CUX1: variants seen among roughly 807,000 people sequenced by gnomAD.
The protein encoded by CUX1 is cut like homeobox 1, also known as protein CASP.
A neutral mutation model predicts 158.8 loss-of-function variants in CUX1; 31 were observed. The ratio of observed to expected loss-of-function variants is 0.20; its 90% CI spans 0.15 to 0.26. CUX1 has a LOEUF of 0.26. Ranked by LOEUF, CUX1 falls within the 10% of genes least tolerant of loss-of-function variation. The pLI, the probability that CUX1 is intolerant of heterozygous loss-of-function variation, is 1.00. For missense variants in CUX1, 1,589 were observed against 2,014.6 expected (o/e 0.79, Z 4.04); for synonymous variants, 879 against 862.1 (o/e 1.02, Z -0.34).
chr7:102,239,591 C>T lies in CUX1; in HGVS notation c.3887+7C>T, dbSNP rs368787962. 11 of 1,607,752 alleles carry T rather than the reference C, an allele frequency of 6.8e-6. No homozygotes were observed. Among genetic ancestry groups the T allele is most frequent in the Non-Finnish European group, 9.4e-6 (11 of 1,175,032 alleles). The stretch of plus-strand genomic sequence containing the variant: ...ACTGGTTCCACAACTACAGGTACGA[C>T]GGCTGGCTCACAGGGAGCGCCGGTC... On this transcript the variant is annotated splice_region_variant and intron_variant, in intron 23 of 23. Coordinates refer to ENST00000292535, the MANE Select transcript of CUX1 (RefSeq NM_181552.4).
In CUX1 at chr7:102,128,955, G is replaced by C. The variant is rs148122789; in HGVS notation, c.674+13682G>C. ...ATCCCGCCACTGCACTCCAGCCTGG[G>C]CAACAGAGACTCTGTTTCAAAAAAA... is the stretch of plus-strand genomic sequence containing the variant. On this transcript the variant is annotated intron_variant, in intron 8 of 23. Coordinates refer to ENST00000292535, the MANE Select transcript of CUX1 (RefSeq NM_181552.4). Among the ~76,000 whole-genome samples the C allele has an allele frequency of 5.3e-3, 801 of 151,886 alleles. 6 individuals are homozygous for C. Among genetic ancestry groups the C allele is most frequent in the African/African-American group, 0.019 (774 of 41,400 alleles).
chr7:102,064,857 C>T (rs1825365657), intron 3 of CUX1, among the ~76,000 whole-genome samples: 1 of 152,134 alleles, frequency 6.6e-6, no homozygotes, highest in African/African-American at 2.4e-5. Context: ...CTCAGAACAG[C>T]CCAGGAACCC....
At chr7:102,269,572 A>ATTTTTT (rs71123030) in intron 14 of CUX1, among the ~76,000 whole-genome samples, 155 of 107,596 alleles carry the variant, frequency 1.4e-3, no homozygotes, top group East Asian at 2.4e-3. Flanking sequence ...TGCCCGGCTA[A>ATTTTTT]TTTTTTTTTT....
At chr7:102,140,310 G>A (rs949904223) in intron 8 of CUX1, among the ~76,000 whole-genome samples, 20 of 151,986 alleles carry the variant, frequency 1.3e-4, no homozygotes, top group African/African-American at 1.9e-4. Flanking sequence ...GCAATGGCAC[G>A]ATCTCGGCTC....
intron 1 of CUX1, among the ~76,000 whole-genome samples, chr7:101,820,810 A>T (rs954588520): frequency 6.6e-6 from 1 of 152,204 alleles, no homozygotes; most frequent in African/African-American, 2.4e-5. Context: ...CACTCAAGCA[A>T]TTCTGGTATC....
At position 102,159,676 on chromosome 7, in the gene CUX1, T is replaced by C. The variant is rs1367253784; in HGVS notation, c.723+1068T>C. ...AGGAGTTTGAGACCAGCCTGGCCAA[T>C]ATGGTGAATCCCCGTCTCTACTAAA... On this transcript the variant is annotated intron_variant, in intron 9 of 23. Transcript: ENST00000292535. Among the ~76,000 whole-genome samples, 102 of 139,480 alleles carry C rather than the reference T, an allele frequency of 7.3e-4. No individual in the cohort carries two copies. In the Middle Eastern group the frequency reaches 0.025, roughly 35 times the overall value. The allele number at this position is 139,480 out of a possible 152,430, so 91.5% of individuals were successfully genotyped here.
chr7:102,039,196 G>A (rs1010523415), intron 3 of CUX1, among the ~76,000 whole-genome samples: 2 of 152,182 alleles, frequency 1.3e-5, no homozygotes, highest in Non-Finnish European at 2.9e-5. Flanking sequence ...GTGGATGGAA[G>A]CATCGTCCTC....
At chr7:102,161,800 G>C (rs781805944) in intron 9 of CUX1, among the ~76,000 whole-genome samples, 1 of 152,094 alleles carries the variant, frequency 6.6e-6, no homozygotes, top group Non-Finnish European at 1.5e-5. Context: ...TAGAGACGGG[G>C]TTTCACCGTG....
chr7:102,104,579 A>AG, intron 6 of CUX1, 120 bp downstream of exon 6: 1 of 1,312,876 alleles, frequency 7.6e-7, no homozygotes, highest in Non-Finnish European at 1.0e-6. Context: ...CCAAATCTAT[A>AG]AGGGGTAAAA....
chr7:102,010,745 T>C (rs995150093), intron 2 of CUX1, among the ~76,000 whole-genome samples: 3 of 152,202 alleles, frequency 2.0e-5, no homozygotes, highest in African/African-American at 4.8e-5. Context: ...CCGGCGGGCG[T>C]GAGGACCACG....
chr7:102,262,395 C>CATGGATGGATGA (rs1554544084), downstream of CUX1, among the ~76,000 whole-genome samples: 1 of 143,178 alleles, frequency 7.0e-6, no homozygotes, highest in Non-Finnish European at 1.5e-5. Context: ...AAGACTCCAT[C>CATGGATGGATGA]ATGGATGGAT....
At chr7:101,913,379 T>C (rs953394710) in intron 1 of CUX1, 2 of 1,265,646 alleles carry the variant, frequency 1.6e-6, no homozygotes, top group Non-Finnish European at 2.1e-6. Flanking sequence ...CCCCGTTGAG[T>C]CCCCGACTGC....
At chr7:102,277,310 CA>C (rs1563529353) in intron 17 of CUX1, among the ~76,000 whole-genome samples, 1 of 151,794 alleles carries the variant, frequency 6.6e-6, no homozygotes, top group Admixed American at 6.6e-5. Context: ...AATATATAGA[CA>C]GGGGCCAGGC....
At chr7:102,274,226 G>A (rs951805634) in intron 15 of CUX1, 53 of 1,611,790 alleles carry the variant, frequency 3.3e-5, no homozygotes, top group Non-Finnish European at 4.2e-5. Flanking sequence ...CCTCCTCATC[G>A]CTTCCTGTCA....
chr7:101,832,006 G>A (rs984492695), intron 1 of CUX1, among the ~76,000 whole-genome samples: 2 of 151,980 alleles, frequency 1.3e-5, no homozygotes, highest in Admixed American at 6.5e-5. Context: ...CTTAGCCTCC[G>A]AAAGTGCTGG....
intron 4 of CUX1, among the ~76,000 whole-genome samples, chr7:102,083,450 G>A (rs1827659409): frequency 1.4e-5 from 2 of 146,792 alleles, no homozygotes; most frequent in Admixed American, 6.9e-5. Flanking sequence ...GGGACTACAG[G>A]CATGTGCCAC....
At chr7:102,004,788 G>A (rs1203170419) in intron 2 of CUX1, among the ~76,000 whole-genome samples, 1 of 152,174 alleles carries the variant, frequency 6.6e-6, no homozygotes, top group African/African-American at 2.4e-5. Context: ...ACACAGTGCA[G>A]CAAGTAGAGA....
intron 20 of CUX1, among the ~76,000 whole-genome samples, chr7:102,211,971 C>A (rs1460458776): frequency 6.6e-6 from 1 of 152,040 alleles, no homozygotes; most frequent in Non-Finnish European, 1.5e-5. Context: ...GGCACATGCG[C>A]TTCTCAAAAG....
At chr7:102,054,872 G>T (rs1444868581) in intron 3 of CUX1, among the ~76,000 whole-genome samples, 2 of 152,106 alleles carry the variant, frequency 1.3e-5, no homozygotes, top group Non-Finnish European at 2.9e-5. Context: ...TCCGGAGGCT[G>T]TGGCAGGAGG....
Sources: gnomAD v4.1 joint callset for allele counts (sites outside exome capture counted in the v4.1 genomes callset) on GRCh38, gnomAD v4.1.1 for gene constraint, MANE v1.5 for transcripts, NCBI Gene and HGNC (gene_info 2026-07-23, HGNC 2026-07-21) for gene names.